Variants in MARCHF1 observed in about 807,000 individuals in gnomAD.
The protein encoded by MARCHF1 is E3 ubiquitin-protein ligase MARCHF1.
Under a neutral mutation model 54.2 loss-of-function variants are expected in MARCHF1, and 40 were observed. That is an observed-to-expected ratio of 0.74 (90% CI 0.57 to 0.96). MARCHF1 has a LOEUF of 0.96. Among genes scored for constraint, MARCHF1 ranks in the 40% least tolerant of loss-of-function variants. The pLI, the probability that MARCHF1 is intolerant of heterozygous loss-of-function variation, is 0.00. For synonymous variants in MARCHF1, 236 were observed against 236.3 expected (o/e 1.00, Z 0.01); for missense variants, 586 against 656.5 (o/e 0.89, Z 1.17).
At chr4:163,636,076 G>T (rs1420202992) in intron 5 of MARCHF1, among the ~76,000 whole-genome samples, 1 of 152,138 alleles carries the variant, frequency 6.6e-6, no homozygotes, top group African/African-American at 2.4e-5. Context: ...AATAAATTAG[G>T]TATCGATGGG....
chr4:164,026,377 T>TAA (rs1245873398), intron 2 of MARCHF1, among the ~76,000 whole-genome samples: 1 of 152,080 alleles, frequency 6.6e-6, no homozygotes, highest in South Asian at 2.1e-4. Context: ...ACTAAAAAGT[T>TAA]AATACACCAC....
intron 1 of MARCHF1, among the ~76,000 whole-genome samples, chr4:164,142,560 A>G (rs555472539): frequency 6.6e-5 from 10 of 152,184 alleles, no homozygotes; most frequent in Non-Finnish European, 1.5e-4. Context: ...CAGCAGGGGC[A>G]CACTGACACC....
chr4:164,317,583 A>G (rs556184073), intron 1 of MARCHF1, among the ~76,000 whole-genome samples: 20 of 152,304 alleles, frequency 1.3e-4, no homozygotes, highest in Admixed American at 6.5e-4. Context: ...CCCTTGTCTC[A>G]TTGACAGGAA....
intron 8 of MARCHF1, chr4:163,555,776 C>G (rs1739265528): frequency 6.3e-6 from 2 of 319,222 alleles, no homozygotes; most frequent in Admixed American, 3.5e-5. Context: ...GCCGAGCGGA[C>G]TCTTGGATGA....
intron 4 of MARCHF1, among the ~76,000 whole-genome samples, chr4:163,784,470 A>G (rs914268188): frequency 6.6e-6 from 1 of 152,098 alleles, no homozygotes; most frequent in African/African-American, 2.4e-5. Context: ...AAGTAGATGA[A>G]TATTTTATGC....
intron 4 of MARCHF1, among the ~76,000 whole-genome samples, chr4:163,840,362 A>G (rs915545917): frequency 2.0e-5 from 3 of 152,134 alleles, no homozygotes; most frequent in Non-Finnish European, 4.4e-5. Flanking sequence ...AGATGATTTG[A>G]ATGAAACACT....
chr4:164,166,162 T>C (rs1326393682), intron 1 of MARCHF1, among the ~76,000 whole-genome samples: 1 of 152,004 alleles, frequency 6.6e-6, no homozygotes, highest in African/African-American at 2.4e-5. Context: ...AACCTGGGGA[T>C]AGAATTCCAT....
chr4:163,842,133 T>A (rs1222909719), intron 4 of MARCHF1, among the ~76,000 whole-genome samples: 1 of 152,116 alleles, frequency 6.6e-6, no homozygotes, highest in African/African-American at 2.4e-5. Context: ...AGAGAATCTA[T>A]TAAACAACCT....
intron 4 of MARCHF1, among the ~76,000 whole-genome samples, chr4:163,757,213 T>A (rs1057344979): frequency 2.0e-5 from 3 of 152,176 alleles, no homozygotes; most frequent in Non-Finnish European, 4.4e-5. Flanking sequence ...ATTAGAGAGA[T>A]CATATGTGTG....
chr4:163,698,726 G>C (rs967536594), intron 5 of MARCHF1, among the ~76,000 whole-genome samples: 1 of 152,232 alleles, frequency 6.6e-6, no homozygotes, highest in South Asian at 2.1e-4. Context: ...AAAACTCAAA[G>C]AGCAGTTTAG....
intron 3 of MARCHF1, among the ~76,000 whole-genome samples, chr4:163,867,803 T>C (rs1750085102): frequency 7.1e-6 from 1 of 140,608 alleles, no homozygotes; most frequent in African/African-American, 2.6e-5. Flanking sequence ...ATATCAACTT[T>C]CATCAATTTC....
chr4:164,036,178 T>C lies in MARCHF1; in HGVS notation c.-247-47469A>G, dbSNP rs79744920. Among the ~76,000 whole-genome samples the C allele has an allele frequency of 3.2e-3, 473 of 147,630 alleles. 3 individuals are homozygous for C. The highest frequency in any genetic ancestry group is 0.011 in the African/African-American group (456 of 40,028). ...TTAACAAAAAAGGAGTTGCTAGAAA[T>C]GGGTGTGTGAAATGCTATATGTTTT... On this transcript the variant is annotated intron_variant, in intron 2 of 9. Transcript: ENST00000514618.
chr4:163,727,664 A>G (rs1283094196), intron 4 of MARCHF1, among the ~76,000 whole-genome samples: 11 of 150,088 alleles, frequency 7.3e-5, no homozygotes, highest in Non-Finnish European at 3.0e-5. Flanking sequence ...CCATTTGTTG[A>G]AAAGGTGTTT....
At chr4:163,777,479 C>CA (rs151269776) in intron 4 of MARCHF1, among the ~76,000 whole-genome samples, 2,456 of 152,174 alleles carry the variant, frequency 0.016, 31 homozygotes, top group African/African-American at 0.034. Context: ...ATGTTCACTG[C>CA]AAAAAATTGT....
At chr4:163,959,467 A>T (rs1752300944) in intron 3 of MARCHF1, among the ~76,000 whole-genome samples, 1 of 152,026 alleles carries the variant, frequency 6.6e-6, no homozygotes, top group Non-Finnish European at 1.5e-5. Flanking sequence ...AAAAACAAGC[A>T]CATAGACCAA....
chr4:164,189,519 G>T, intron 1 of MARCHF1: 1 of 773,734 alleles, frequency 1.3e-6, no homozygotes, highest in Non-Finnish European at 2.3e-6. Context: ...TCAATGGCAA[G>T]GAGTCCTCCC....
intron 3 of MARCHF1, among the ~76,000 whole-genome samples, chr4:163,981,626 C>G (rs1045019456): frequency 6.6e-6 from 1 of 152,168 alleles, no homozygotes; most frequent in Non-Finnish European, 1.5e-5. Flanking sequence ...TGCTGTCAGT[C>G]TGTGATCCTC....
At chr4:163,986,249 CTTTTTTTTTTTTTTTTTTTTTTTTTT>C (rs869081083) in intron 3 of MARCHF1, among the ~76,000 whole-genome samples, 1 of 28,830 alleles carries the variant, frequency 3.5e-5, no homozygotes, top group Non-Finnish European at 7.7e-5. Context: ...TTAACCTCTT[CTTTTTTTTTTTTTTTTTTTTTTTTTT>C]TTTTTGAGAT....
chr4:163,598,257 C>A (rs545062892), intron 7 of MARCHF1, among the ~76,000 whole-genome samples: 1 of 152,326 alleles, frequency 6.6e-6, no homozygotes, highest in South Asian at 2.1e-4. Context: ...CTTTTCTCAA[C>A]ACTCATCACT....
Sources: gnomAD v4.1 joint callset for allele counts (sites outside exome capture counted in the v4.1 genomes callset) on GRCh38, gnomAD v4.1.1 for gene constraint, MANE v1.5 for transcripts, NCBI Gene and HGNC (gene_info 2026-07-23, HGNC 2026-07-21) for gene names.